The following PRDM4 variants were observed in gnomAD, a reference collection of about 807,000 sequenced individuals.
PRDM4 encodes PR/SET domain 4.
A neutral mutation model predicts 62.3 loss-of-function variants in PRDM4; 38 were observed. The observed-to-expected ratio is 0.61, with a 90% CI of 0.47 to 0.80. The LOEUF is 0.80. Among genes scored for constraint, PRDM4 ranks in the 30% least tolerant of loss-of-function variants. PRDM4 has a pLI of 0.00. For synonymous variants in PRDM4, 339 were observed against 348.2 expected (o/e 0.97, Z 0.30); for missense variants, 858 against 997.1 (o/e 0.86, Z 1.88).
At chr12:107,736,955 T>G (rs1229259265) in intron 11 of PRDM4, 1 of 152,278 alleles carries the variant, frequency 6.6e-6, no homozygotes, top group East Asian at 1.9e-4. Context: ...GGGGTAATAC[T>G]GGGTTGAGTT....
chr12:107,750,833 A>C (rs1890866617), intron 5 of PRDM4, among the ~76,000 whole-genome samples: 1 of 152,232 alleles, frequency 6.6e-6, no homozygotes. Context: ...CTTGGGAAAT[A>C]CCTTAACTAT....
At chr12:107,757,584 A>G (rs1283776128) in intron 2 of PRDM4, among the ~76,000 whole-genome samples, 1 of 152,298 alleles carries the variant, frequency 6.6e-6, no homozygotes, top group Non-Finnish European at 1.5e-5. Context: ...CCTCACACCA[A>G]TACTGCAACG....
intron 5 of PRDM4, among the ~76,000 whole-genome samples, chr12:107,748,654 T>C (rs1227907935): frequency 6.6e-6 from 1 of 152,174 alleles, no homozygotes; most frequent in African/African-American, 2.4e-5. Flanking sequence ...GAAAGTAGAT[T>C]AGTGGTTGCT....
intron 7 of PRDM4, among the ~76,000 whole-genome samples, chr12:107,743,995 A>G (rs1393965117): frequency 6.6e-6 from 1 of 151,970 alleles, no homozygotes; most frequent in East Asian, 1.9e-4. Context: ...GTGCCTGTAA[A>G]TTCAGCTACT....
At chr12:107,747,039 T>C (rs1347654632) in intron 5 of PRDM4, among the ~76,000 whole-genome samples, 6 of 151,924 alleles carry the variant, frequency 3.9e-5, no homozygotes, top group African/African-American at 1.2e-4. Context: ...CCCAGCAGTT[T>C]GGGAGGCTGA....
chr12:107,752,483 T>C (rs1333111063), intron 4 of PRDM4, among the ~76,000 whole-genome samples: 1 of 152,000 alleles, frequency 6.6e-6, no homozygotes, highest in Non-Finnish European at 1.5e-5. Flanking sequence ...ATACATATGG[T>C]TGCAATTCCT....
chr12:107,737,552 G>A (rs1387060097), intron 11 of PRDM4, among the ~76,000 whole-genome samples: 2 of 152,146 alleles, frequency 1.3e-5, no homozygotes, highest in East Asian at 1.9e-4. Context: ...GGCTGATATC[G>A]ACTTGATTCA....
chr12:107,737,010 G>A (rs557934669), intron 11 of PRDM4: 6 of 152,370 alleles, frequency 3.9e-5, no homozygotes, highest in African/African-American at 1.4e-4. Context: ...TCCAGCATCA[G>A]AGCCGCTGAG....
At chr12:107,747,370 G>A (rs905660469) in intron 5 of PRDM4, among the ~76,000 whole-genome samples, 13 of 151,438 alleles carry the variant, frequency 8.6e-5, no homozygotes, top group African/African-American at 2.7e-4. Flanking sequence ...GGACACTGGC[G>A]TCAGAGCCAG....
At chr12:107,751,358 A>T (rs1890886840) in intron 5 of PRDM4, 57 bp downstream of exon 5, 1 of 1,501,038 alleles carries the variant, frequency 6.7e-7, no homozygotes, top group Non-Finnish European at 9.1e-7. Context: ...TTAACTTGTT[A>T]GGGATGGTGG....
In PRDM4 at chr12:107,741,160, A is replaced by G. The variant is rs1276125867; in HGVS notation, c.1710T>C (p.His570=). The change falls in exon 10 of 12, where the codon CAT becomes CAC. Residue 570 remains histidine (H), a synonymous_variant. Coordinates refer to ENST00000228437, the MANE Select transcript of PRDM4 (RefSeq NM_012406.4). The part of the protein sequence containing the change: ...KAHLTSHIHN[H]LPTQGHSGSH... ...TGCCGCTATGTCCCTGGGTAGGAAG[A>G]TGGTTATGGATGTGGCTGGTCAGAT... The G allele has an allele frequency of 6.2e-7, 1 of 1,614,150 alleles. No homozygotes were observed. The highest frequency in any genetic ancestry group is 8.5e-7 in the Non-Finnish European group (1 of 1,180,036).
In PRDM4 at chr12:107,760,941, C is replaced by A. The variant is rs190567252; in HGVS notation, c.-257+16G>T. 1.4e-5 allele frequency: 2 copies of A among 145,926 alleles called. No individual in the cohort carries two copies. The highest frequency in any genetic ancestry group is 6.8e-5 in the Admixed American group (1 of 14,774). The allele number at this position is 145,926 out of a possible 1,614,324, so 9.0% of individuals were successfully genotyped here. On this transcript the variant is annotated intron_variant, in intron 1 of 11. Transcript: ENST00000228437. ...CGCGCCCCGCCCCGCTCCGGCCGGGCCCGCGCGCAGCCCACCTGCCAGCTG... is the reference window on the plus strand; with the variant it reads ...CGCGCCCCGCCCCGCTCCGGCCGGGACCGCGCGCAGCCCACCTGCCAGCTG...
chr12:107,760,436 G>A lies in PRDM4; in HGVS notation c.11+69C>T. 4 of 1,599,260 alleles carry A rather than the reference G, an allele frequency of 2.5e-6. No homozygotes were observed. The South Asian group carries it at 4.5e-5, about 18-fold the overall frequency. Reference sequence around the variant, plus strand: ...CAATGGCACCAAAAACAACGGCACTGACCCTGGACACTCACTCGCCAGAGT... The same window carrying A: ...CAATGGCACCAAAAACAACGGCACTAACCCTGGACACTCACTCGCCAGAGT... On this transcript the variant is annotated intron_variant, in intron 2 of 11. Transcript: ENST00000228437.
chr12:107,746,416 G>C lies in PRDM4; in HGVS notation c.1135C>G (p.Leu379Val). The C allele has an allele frequency of 1.3e-6, 2 of 1,596,246 alleles. No homozygotes were observed. Among genetic ancestry groups the C allele is most frequent in the South Asian group, 1.1e-5 (1 of 87,486 alleles). ...MATLFTIWCT[L>V]CDRAYPSDCP... ...TCCGAGGGATAGGCGCGGTCACACA[G>C]AGTACACCCTGTAGATGGCAAATTT... The change falls in exon 6 of 12, where the codon CTG becomes GTG. Residue 379 changes from leucine to valine, a missense_variant. By Grantham distance (32) the Leu-to-Val change is conservative. Around this residue, in one of 3 missense-constraint regions of PRDM4, gnomAD observed 499 missense variants for 546.7 expected, o/e 0.91. Transcript: ENST00000228437.
intron 11 of PRDM4, among the ~76,000 whole-genome samples, chr12:107,734,943 T>C (rs1890280507): frequency 1.3e-5 from 2 of 152,216 alleles, no homozygotes; most frequent in Non-Finnish European, 2.9e-5. Context: ...TCCAGTTTTT[T>C]ATTATCACAA....
rs751768705 is a variant in PRDM4, at chr12:107,751,433, C to T, written c.1108G>A (p.Ala370Thr). Residue 370 changes from alanine to threonine, a missense_variant, in exon 5 of 12, where the codon GCA becomes ACA. Transcript: ENST00000228437. ...EDSNSNKENM[A>T]TLFTIWCTLC... ...CACTCACAAATTGTAAACAAGGTTG[C>T]CATGTTCTCCTTGTTTGAATTGGAG... is the stretch of plus-strand genomic sequence containing the variant. The T allele has an allele frequency of 1.7e-5, 27 of 1,604,960 alleles. No homozygotes were observed. The East Asian group carries it at 5.6e-4, about 33-fold the overall frequency.
intron 2 of PRDM4, 28 bp from the exon 3 acceptor site, chr12:107,756,993 T>G (rs199745961): frequency 8.1e-6 from 13 of 1,610,776 alleles, no homozygotes; most frequent in Non-Finnish European, 1.1e-5. Flanking sequence ...CAACTAGTTA[T>G]GCAAAAATTT....
At position 107,751,577 on chromosome 12, in the gene PRDM4, G is replaced by A. The variant is rs1473124537; in HGVS notation, c.964C>T (p.Leu322Phe). 6.2e-6 allele frequency: 10 copies of A among 1,613,584 alleles called. No homozygotes were observed. The highest frequency in any genetic ancestry group is 7.6e-6 in the Non-Finnish European group (9 of 1,179,508). The change falls in exon 5 of 12, where the codon CTC becomes TTC. Residue 322 changes from leucine to phenylalanine, a missense_variant. Physicochemically the swap from Leu to Phe is conservative, Grantham distance 22. Coordinates refer to ENST00000228437, the MANE Select transcript of PRDM4 (RefSeq NM_012406.4). ...GAGACAGCCACAGGTTCTAGGCTGA[G>A]GCCAACTTCATGGAGGGAAACAGAT... ...LESVSLHEVG[L>F]SLEPVAVSSI...
At chr12:107,742,554 C>A in intron 8 of PRDM4, 1 of 564,668 alleles carries the variant, frequency 1.8e-6, no homozygotes, top group South Asian at 2.2e-5. Context: ...AGCTGATGAC[C>A]TTTTGTAGTC....
Sources: gnomAD v4.1 joint callset for allele counts (sites outside exome capture counted in the v4.1 genomes callset) on GRCh38, gnomAD v4.1.1 for gene constraint, gnomAD v4.1.1 regional missense constraint, MANE v1.5 for transcripts, NCBI Gene and HGNC (gene_info 2026-07-23, HGNC 2026-07-21) for gene names.